The following MECOM variants were observed in gnomAD, a reference collection of about 807,000 sequenced individuals.
MECOM encodes histone-lysine N-methyltransferase MECOM.
Under a neutral mutation model 116.3 loss-of-function variants are expected in MECOM, and 13 were observed. That is an observed-to-expected ratio of 0.11 (90% CI 0.07 to 0.18). MECOM has a LOEUF of 0.18. Among genes scored for constraint, MECOM ranks in the 10% least tolerant of loss-of-function variants. MECOM has a pLI of 1.00. For synonymous variants in MECOM, 528 were observed against 535.2 expected (o/e 0.99, Z 0.19); for missense variants, 1,299 against 1,509.0 (o/e 0.86, Z 2.31).
At chr3:169,646,486 A>T (rs998469354) in intron 1 of MECOM, among the ~76,000 whole-genome samples, 31 of 152,144 alleles carry the variant, frequency 2.0e-4, no homozygotes, top group Admixed American at 1.2e-3. Flanking sequence ...ATAAAAAATT[A>T]AAAAAGAACT....
At chr3:169,477,421 T>C (rs1045515020) in intron 1 of MECOM, among the ~76,000 whole-genome samples, 2 of 151,894 alleles carry the variant, frequency 1.3e-5, no homozygotes, top group Admixed American at 6.6e-5. Flanking sequence ...ATGATCCAAA[T>C]CCTTGCAAGG....
chr3:169,494,994 G>A (rs1262739040), intron 1 of MECOM, among the ~76,000 whole-genome samples: 1 of 152,144 alleles, frequency 6.6e-6, no homozygotes, highest in African/African-American at 2.4e-5. Context: ...CCTGTTGTAG[G>A]CTAGATCCTT....
At chr3:169,475,548 T>C (rs543044443) in intron 1 of MECOM, among the ~76,000 whole-genome samples, 9 of 152,228 alleles carry the variant, frequency 5.9e-5, no homozygotes, top group African/African-American at 2.2e-4. Flanking sequence ...AATGTTTCCT[T>C]AGCACATTAA....
At chr3:169,130,428 AAGAGGAAAATG>A (rs1186712613) in intron 4 of MECOM, among the ~76,000 whole-genome samples, 2 of 152,082 alleles carry the variant, frequency 1.3e-5, no homozygotes, top group Non-Finnish European at 2.9e-5. Context: ...CAGAGTTGCT[AAGAGGAAAATG>A]AGTACCAAAA....
chr3:169,354,465 A>G (rs1577829663), intron 2 of MECOM, among the ~76,000 whole-genome samples: 1 of 151,948 alleles, frequency 6.6e-6, no homozygotes, highest in East Asian at 1.9e-4. Flanking sequence ...GTATTAAGCT[A>G]CTTTCATAGG....
chr3:169,569,059 G>T (rs946665625), intron 1 of MECOM, among the ~76,000 whole-genome samples: 1 of 151,980 alleles, frequency 6.6e-6, no homozygotes, highest in African/African-American at 2.4e-5. Flanking sequence ...ATTGGGTAAA[G>T]AGTCAAGACC....
intron 1 of MECOM, among the ~76,000 whole-genome samples, chr3:169,485,147 A>G (rs941078437): frequency 6.6e-6 from 1 of 152,080 alleles, no homozygotes. Context: ...GGCATGCACC[A>G]CCACGTCTGG....
chr3:169,542,151 C>A (rs570572895), intron 1 of MECOM, among the ~76,000 whole-genome samples: 1 of 152,076 alleles, frequency 6.6e-6, no homozygotes. Context: ...GGACCTAAAA[C>A]GCATTGAAAG....
intron 1 of MECOM, among the ~76,000 whole-genome samples, chr3:169,514,313 G>A (rs542811333): frequency 2.3e-4 from 34 of 148,956 alleles, no homozygotes; most frequent in Non-Finnish European, 4.1e-4. Context: ...AAAAAAAAGA[G>A]AGAGAGAGAC....
At chr3:169,419,653 C>A (rs1739365024) in intron 1 of MECOM, among the ~76,000 whole-genome samples, 1 of 152,068 alleles carries the variant, frequency 6.6e-6, no homozygotes, top group Non-Finnish European at 1.5e-5. Flanking sequence ...AGCATAAAAA[C>A]CATAGAAGAA....
intron 2 of MECOM, among the ~76,000 whole-genome samples, chr3:169,295,264 T>A (rs1001359834): frequency 4.6e-5 from 7 of 152,158 alleles, no homozygotes; most frequent in African/African-American, 1.4e-4. Flanking sequence ...CCTATTGCTT[T>A]TATTTAAAAG....
intron 2 of MECOM, among the ~76,000 whole-genome samples, chr3:169,270,293 T>C (rs1273646644): frequency 6.6e-6 from 1 of 152,050 alleles, no homozygotes; most frequent in African/African-American, 2.4e-5. Flanking sequence ...TTCAAATAAG[T>C]GAAAAATAAA....
intron 2 of MECOM, among the ~76,000 whole-genome samples, chr3:169,186,327 A>G (rs1218639914): frequency 1.4e-4 from 19 of 138,396 alleles, no homozygotes; most frequent in East Asian, 9.6e-4. Flanking sequence ...GAAGAAAGGA[A>G]GGAAGGAGGG....
At chr3:169,261,974 G>A (rs142534660) in intron 2 of MECOM, among the ~76,000 whole-genome samples, 2 of 152,270 alleles carry the variant, frequency 1.3e-5, no homozygotes, top group East Asian at 3.9e-4. Flanking sequence ...AGTCTTTGCA[G>A]GAAAAAGAAA....
intron 1 of MECOM, among the ~76,000 whole-genome samples, chr3:169,613,311 C>T (rs1769509437): frequency 6.6e-6 from 1 of 152,172 alleles, no homozygotes; most frequent in South Asian, 2.1e-4. Context: ...TCTCTGCAAG[C>T]CCCTACTACT....
At position 169,247,375 on chromosome 3, in the gene MECOM, A is replaced by G. The variant is rs185958419; in HGVS notation, c.376-103543T>C. Reference sequence around the variant, plus strand: ...GGCTGGAGTGTAATGGCACGATATCAGCTCACCACAACCTCCACCTCCCGC... The same window carrying G: ...GGCTGGAGTGTAATGGCACGATATCGGCTCACCACAACCTCCACCTCCCGC... On this transcript the variant is annotated intron_variant, in intron 2 of 16. Coordinates refer to ENST00000651503, the MANE Select transcript of MECOM (RefSeq NM_004991.4). Among the ~76,000 whole-genome samples, 170 of 151,708 alleles carry G rather than the reference A, an allele frequency of 1.1e-3. 1 individual carries two copies. Among genetic ancestry groups the G allele is most frequent in the African/African-American group, 4.0e-3 (165 of 41,330 alleles).
chr3:169,111,787 A>G (rs1319524389), intron 9 of MECOM, among the ~76,000 whole-genome samples: 1 of 152,074 alleles, frequency 6.6e-6, no homozygotes. Context: ...ATACTTGAAA[A>G]AATACAAAAG....
chr3:169,332,723 A>T (rs1419530026), intron 2 of MECOM, among the ~76,000 whole-genome samples: 1 of 152,202 alleles, frequency 6.6e-6, no homozygotes, highest in African/African-American at 2.4e-5. Context: ...CTGAATAGAC[A>T]TTTTACATTT....
intron 2 of MECOM, among the ~76,000 whole-genome samples, chr3:169,193,784 A>G (rs13058813): frequency 0.52 from 78,911 of 151,884 alleles, 21,951 homozygotes; most frequent in Middle Eastern, 0.72. Flanking sequence ...CATTGTTACA[A>G]TTTAAGTTAT....
Sources: allele counts gnomAD v4.1 joint callset (sites outside exome capture counted in the v4.1 genomes callset), GRCh38; gene constraint gnomAD v4.1.1; transcripts MANE v1.5; gene names NCBI Gene and HGNC (gene_info 2026-07-23, HGNC 2026-07-21).